The following CPA6 variants were observed in gnomAD, a reference collection of about 807,000 sequenced individuals.
The protein encoded by CPA6 is carboxypeptidase A6.
CPA6 carries 58 observed loss-of-function variants against 63.3 expected under a neutral mutation model. The observed-to-expected ratio is 0.92, with a 90% confidence interval of 0.74 to 1.14. The LOEUF (loss-of-function observed/expected upper bound fraction) is 1.14, where lower values mean the gene tolerates loss of function less well. Ranked by LOEUF, CPA6 falls within the 50% of genes most tolerant of loss-of-function variation. The pLI is 0.00. For synonymous variants in CPA6, 185 were observed against 179.0 expected, an observed-to-expected ratio of 1.03 and a Z score of -0.27; for missense variants, 565 against 526.6, an observed-to-expected ratio of 1.07 and a Z score of -0.71.
chr8:67,640,409 C>T (rs962133764), intron 1 of CPA6, among the ~76,000 whole-genome samples: 4 of 151,446 alleles, frequency 2.6e-5, no homozygotes, highest in East Asian at 1.9e-4. Flanking sequence ...GGCGTGTTAG[C>T]GCTGCCCTGA....
intron 1 of CPA6, among the ~76,000 whole-genome samples, chr8:67,688,702 C>T (rs1187933059): frequency 2.0e-5 from 3 of 152,048 alleles, no homozygotes; most frequent in Non-Finnish European, 2.9e-5. Flanking sequence ...CTCCTAGTTT[C>T]GGTTTGTGTT....
chr8:67,449,944 T>C (rs1029801081), intron 8 of CPA6, among the ~76,000 whole-genome samples: 4 of 151,854 alleles, frequency 2.6e-5, no homozygotes, highest in Non-Finnish European at 4.4e-5. Context: ...GTCTCCCTAG[T>C]AGTTGGGATT....
chr8:67,499,178 G>A (rs919113286), intron 6 of CPA6, among the ~76,000 whole-genome samples: 1 of 152,180 alleles, frequency 6.6e-6, no homozygotes. Flanking sequence ...GGAGGCAGAA[G>A]TGGAAGTGGC....
chr8:67,641,216 G>A (rs1169809360), intron 1 of CPA6, among the ~76,000 whole-genome samples: 2 of 151,802 alleles, frequency 1.3e-5, no homozygotes, highest in African/African-American at 4.9e-5. Flanking sequence ...TAAACAGACA[G>A]CTTTGGCTGG....
intron 6 of CPA6, among the ~76,000 whole-genome samples, chr8:67,506,180 T>G (rs1811922925): frequency 6.6e-6 from 1 of 152,154 alleles, no homozygotes; most frequent in Admixed American, 6.6e-5. Flanking sequence ...CTCAACACAC[T>G]AGCTCAGAGG....
intron 1 of CPA6, among the ~76,000 whole-genome samples, chr8:67,724,400 A>T (rs771141002): frequency 6.6e-6 from 1 of 152,176 alleles, no homozygotes; most frequent in Non-Finnish European, 1.5e-5. Context: ...TCTGCAGCGA[A>T]CTTACAGCAG....
intron 2 of CPA6, among the ~76,000 whole-genome samples, chr8:67,603,305 G>A (rs1330828486): frequency 6.6e-6 from 1 of 151,714 alleles, no homozygotes; most frequent in East Asian, 1.9e-4. Context: ...GTCCCAAACT[G>A]TTTTAATTTT....
intron 2 of CPA6, among the ~76,000 whole-genome samples, chr8:67,597,198 CTTTTTTTT>C (rs1219322033): frequency 5.2e-5 from 7 of 135,098 alleles, no homozygotes; most frequent in Non-Finnish European, 1.1e-4. Flanking sequence ...CTCTGTGTCT[CTTTTTTTT>C]TTTTTTTTTT....
chr8:67,665,713 T>C (rs866425184), intron 1 of CPA6, among the ~76,000 whole-genome samples: 9 of 152,208 alleles, frequency 5.9e-5, no homozygotes, highest in Non-Finnish European at 1.0e-4. Flanking sequence ...ATTTGTTTGC[T>C]ATGGCAATGA....
At chr8:67,429,338 A>T (rs189479833) in intron 9 of CPA6, among the ~76,000 whole-genome samples, 10 of 152,362 alleles carry the variant, frequency 6.6e-5, no homozygotes, top group Non-Finnish European at 1.3e-4. Context: ...GAAGTATTAC[A>T]TGACAAATGA....
At chr8:67,555,800 G>C (rs1813046940) in intron 2 of CPA6, among the ~76,000 whole-genome samples, 1 of 152,208 alleles carries the variant, frequency 6.6e-6, no homozygotes, top group South Asian at 2.1e-4. Context: ...GCTGGTGTTA[G>C]AGAATTACAG....
intron 6 of CPA6, among the ~76,000 whole-genome samples, chr8:67,494,104 C>T (rs1178322241): frequency 1.3e-5 from 2 of 152,028 alleles, no homozygotes; most frequent in Non-Finnish European, 2.9e-5. Flanking sequence ...ATAAAAATTA[C>T]CCATGATCCT....
chr8:67,594,990 T>A (rs1264694991), intron 2 of CPA6, among the ~76,000 whole-genome samples: 1 of 152,162 alleles, frequency 6.6e-6, no homozygotes, highest in Non-Finnish European at 1.5e-5. Context: ...TCTGCTCTGT[T>A]TTTTCCCCAT....
intron 8 of CPA6, among the ~76,000 whole-genome samples, chr8:67,438,106 C>T (rs1286488863): frequency 7.2e-5 from 11 of 152,082 alleles, no homozygotes; most frequent in East Asian, 1.9e-4. Flanking sequence ...TTAGTAGAGA[C>T]GGGGTTTCAC....
chr8:67,515,585 C>T (rs1390772677), intron 3 of CPA6, among the ~76,000 whole-genome samples: 1 of 152,204 alleles, frequency 6.6e-6, no homozygotes, highest in Non-Finnish European at 1.5e-5. Context: ...AGCTCATCCT[C>T]TCTGCAGCGT....
At chr8:67,706,766 G>C (rs1186251759) in intron 1 of CPA6, among the ~76,000 whole-genome samples, 1 of 151,932 alleles carries the variant, frequency 6.6e-6, no homozygotes, top group Non-Finnish European at 1.5e-5. Context: ...GGTTATAAAA[G>C]GTTTATGAAA....
intron 2 of CPA6, among the ~76,000 whole-genome samples, chr8:67,547,040 TTTTTA>T (rs1326460232): frequency 2.0e-5 from 3 of 151,910 alleles, no homozygotes; most frequent in Non-Finnish European, 2.9e-5. Flanking sequence ...CCAAGTTTAT[TTTTTA>T]TTTTATTTAT....
chr8:67,603,066 GGC>G (rs1303133239), intron 2 of CPA6, among the ~76,000 whole-genome samples: 1 of 152,124 alleles, frequency 6.6e-6, no homozygotes, highest in Non-Finnish European at 1.5e-5. Flanking sequence ...ATTTTTGTGT[GGC>G]CATACTGAAA....
intron 1 of CPA6, among the ~76,000 whole-genome samples, chr8:67,694,128 T>C (rs1214284963): frequency 1.3e-5 from 2 of 152,184 alleles, no homozygotes; most frequent in African/African-American, 2.4e-5. Flanking sequence ...TAGTTTTGAG[T>C]GGGGCCCAGA....
Sources: allele counts gnomAD v4.1 joint callset (sites outside exome capture counted in the v4.1 genomes callset), GRCh38; gene constraint gnomAD v4.1.1; transcripts MANE v1.5; gene names NCBI Gene and HGNC (gene_info 2026-07-23, HGNC 2026-07-21).